Variants in CPNE5 observed in about 807,000 individuals in gnomAD.
The protein encoded by CPNE5 is copine-5.
In CPNE5, 42 loss-of-function variants were observed where a neutral mutation model predicts 81.1. That is an observed-to-expected ratio of 0.52 (90% CI 0.40 to 0.67). The LOEUF (loss-of-function observed/expected upper bound fraction) is 0.67, where lower values mean the gene tolerates loss of function less well. CPNE5 is among the 30% of genes least tolerant of loss of function. CPNE5 has a pLI of 0.00. For missense variants in CPNE5, 612 were observed against 815.5 expected (o/e 0.75, Z 3.04); for synonymous variants, 313 against 321.5 (o/e 0.97, Z 0.28).
At chr6:36,830,085 G>T (rs563800721) in intron 1 of CPNE5, among the ~76,000 whole-genome samples, 156 of 152,248 alleles carry the variant, frequency 1.0e-3, no homozygotes, top group Non-Finnish European at 1.9e-3. Flanking sequence ...AGTAGACTTT[G>T]CTCCCATTCT....
intron 3 of CPNE5, 59 bp downstream of exon 3, chr6:36,822,055 G>A: frequency 6.9e-7 from 1 of 1,446,298 alleles, no homozygotes; most frequent in Non-Finnish European, 9.3e-7. Flanking sequence ...CCGAATTAGA[G>A]ACAGACAGGC....
At chr6:36,835,156 T>C (rs1773372318) in intron 1 of CPNE5, among the ~76,000 whole-genome samples, 1 of 152,220 alleles carries the variant, frequency 6.6e-6, no homozygotes, top group South Asian at 2.1e-4. Context: ...ACCCACCATG[T>C]GGAACTGTGC....
rs1167167809 is a variant in CPNE5, at chr6:36,740,946, G to C, written c.*1322C>G. The C allele has an allele frequency of 1.3e-5, 2 of 152,498 alleles. No individual in the cohort carries two copies. Among genetic ancestry groups the C allele is most frequent in the African/African-American group, 4.8e-5 (2 of 41,452 alleles). The allele number at this position is 152,498 out of a possible 1,614,324, so 9.4% of individuals were successfully genotyped here. On this transcript the variant is annotated 3_prime_UTR_variant, in exon 21 of 21. Coordinates refer to ENST00000244751, the MANE Select transcript of CPNE5 (RefSeq NM_020939.2). ...CTGCACCAGGCACGGAGAGGTCAGT[G>C]GGCTGAGGAGCTCCATGCGGCAACA...
intron 12 of CPNE5, among the ~76,000 whole-genome samples, chr6:36,760,649 C>T (rs2150407377): frequency 6.6e-6 from 1 of 152,282 alleles, no homozygotes; most frequent in East Asian, 1.9e-4. Context: ...AGTATGACCC[C>T]TAAGGTGCCC....
chr6:36,751,119 C>G (rs1764771823), intron 14 of CPNE5, among the ~76,000 whole-genome samples: 1 of 152,200 alleles, frequency 6.6e-6, no homozygotes, highest in Admixed American at 6.5e-5. Flanking sequence ...ATGCCAGGCT[C>G]TCAGTCCCTG....
intron 12 of CPNE5, among the ~76,000 whole-genome samples, chr6:36,757,853 T>C (rs1048883015): frequency 1.3e-5 from 2 of 151,550 alleles, no homozygotes; most frequent in African/African-American, 2.4e-5. Context: ...GTGGGAGAAA[T>C]GAATAGAACC....
intron 2 of CPNE5, 54 bp downstream of exon 2, chr6:36,823,004 T>C: frequency 7.0e-7 from 1 of 1,438,206 alleles, no homozygotes; most frequent in East Asian, 2.5e-5. Context: ...CCGCTGTAAT[T>C]AGTCATAGCG....
chr6:36,813,350 G>T (rs1771268871), intron 3 of CPNE5, among the ~76,000 whole-genome samples: 1 of 152,192 alleles, frequency 6.6e-6, no homozygotes, highest in Non-Finnish European at 1.5e-5. Flanking sequence ...GCTCAACATG[G>T]TGAAACTCTG....
intron 6 of CPNE5, among the ~76,000 whole-genome samples, chr6:36,797,893 G>C (rs1032427457): frequency 1.3e-5 from 2 of 152,170 alleles, no homozygotes; most frequent in African/African-American, 4.8e-5. Flanking sequence ...CACTATGATA[G>C]GGGTCAGGGT....
chr6:36,833,354 T>G (rs1475365909), intron 1 of CPNE5, among the ~76,000 whole-genome samples: 3 of 152,220 alleles, frequency 2.0e-5, no homozygotes, highest in Admixed American at 6.5e-5. Flanking sequence ...AAGATTCCAG[T>G]CTCGTGGCAC....
At chr6:36,794,528 C>T in intron 7 of CPNE5, 62 bp downstream of exon 7, 3 of 1,487,032 alleles carry the variant, frequency 2.0e-6, no homozygotes, top group Non-Finnish European at 2.8e-6. Flanking sequence ...ACTCTGAGGC[C>T]CCCTTTGCAG....
intron 8 of CPNE5, among the ~76,000 whole-genome samples, chr6:36,784,651 C>T (rs930585144): frequency 6.6e-6 from 1 of 152,132 alleles, no homozygotes; most frequent in East Asian, 1.9e-4. Context: ...CATGAAATGC[C>T]GTCCCCTTGG....
At chr6:36,744,134 G>A (rs1427563147) in intron 19 of CPNE5, 134 bp downstream of exon 19, 21 of 771,340 alleles carry the variant, frequency 2.7e-5, no homozygotes, top group Non-Finnish European at 4.3e-5. Context: ...AGACACACAC[G>A]CCCAGGCGGG....
chr6:36,834,655 C>CA (rs764110245), intron 1 of CPNE5, among the ~76,000 whole-genome samples: 7,484 of 126,246 alleles, frequency 0.059, 565 homozygotes, highest in African/African-American at 0.19. Flanking sequence ...GACTCCATCT[C>CA]AAAAAAAAAA....
intron 10 of CPNE5, 43 bp from the exon 11 acceptor site, chr6:36,765,419 C>CCCA: frequency 6.2e-7 from 1 of 1,612,384 alleles, no homozygotes; most frequent in African/African-American, 1.3e-5. Context: ...CAACCCCACA[C>CCCA]CCACGTGGCT....
chr6:36,798,625 T>C lies in CPNE5; in HGVS notation c.288-131A>G, dbSNP rs1407594357. 6 of 759,796 alleles carry C rather than the reference T, an allele frequency of 7.9e-6. No individual in the cohort carries two copies. The East Asian group carries it at 8.0e-5, about 10-fold the overall frequency. The allele number at this position is 759,796 out of a possible 1,614,324, so 47.1% of individuals were successfully genotyped here. ...CCAACACAGTGAATATTTCTAGGAG[T>C]AATGGTTGGAAGACATGACAGGGAG... On this transcript the variant is annotated intron_variant, in intron 4 of 20. Coordinates refer to ENST00000244751, the MANE Select transcript of CPNE5 (RefSeq NM_020939.2).
chr6:36,815,805 G>C (rs1771492586), intron 3 of CPNE5, among the ~76,000 whole-genome samples: 2 of 152,238 alleles, frequency 1.3e-5, no homozygotes, highest in African/African-American at 4.8e-5. Flanking sequence ...TCAAAAAAGA[G>C]ACTGAGTGCT....
At chr6:36,820,302 C>T (rs1771924365) in intron 3 of CPNE5, among the ~76,000 whole-genome samples, 2 of 150,944 alleles carry the variant, frequency 1.3e-5, no homozygotes, top group Non-Finnish European at 2.9e-5. Flanking sequence ...CCTTGGCAGC[C>T]TCTGTAGGCC....
At chr6:36,756,093 G>GCGCCCC in intron 13 of CPNE5, 152 bp downstream of exon 13, 1 of 595,830 alleles carries the variant, frequency 1.7e-6, no homozygotes. Flanking sequence ...TGCTCCATCT[G>GCGCCCC]CCCCACCCCT....
Sources: gnomAD v4.1 joint callset for allele counts (sites outside exome capture counted in the v4.1 genomes callset) on GRCh38, gnomAD v4.1.1 for gene constraint, MANE v1.5 for transcripts, NCBI Gene and HGNC (gene_info 2026-07-23, HGNC 2026-07-21) for gene names.